The following AASS variants were observed in gnomAD, a reference collection of about 807,000 sequenced individuals.
AASS encodes aminoadipate-semialdehyde synthase.
AASS carries 86 observed loss-of-function variants against 105.4 expected under a neutral mutation model. The observed-to-expected ratio is 0.82, with a 90% CI of 0.69 to 0.98. AASS has a LOEUF of 0.98. Ranked by LOEUF, AASS falls within the 50% of genes least tolerant of loss-of-function variation. AASS has a pLI of 0.00. For missense variants in AASS, 1,048 were observed against 1,143.2 expected, an observed-to-expected ratio of 0.92 and a Z score of 1.20; for synonymous variants, 381 against 394.8, an observed-to-expected ratio of 0.96 and a Z score of 0.41.
chr7:122,112,285 T>C (rs997308212), intron 11 of AASS, among the ~76,000 whole-genome samples: 11 of 152,348 alleles, frequency 7.2e-5, no homozygotes, highest in Middle Eastern at 3.4e-3. Context: ...AGGTGCAATA[T>C]CATGTCTAAC....
At chr7:122,107,890 GT>G (rs971178566) in intron 11 of AASS, among the ~76,000 whole-genome samples, 10 of 136,788 alleles carry the variant, frequency 7.3e-5, no homozygotes, top group Non-Finnish European at 1.4e-4. Flanking sequence ...GAACCTAAAA[GT>G]TTTTTTTAAG....
At chr7:122,090,505 A>G (rs1025813583) in intron 18 of AASS, among the ~76,000 whole-genome samples, 5 of 152,168 alleles carry the variant, frequency 3.3e-5, no homozygotes, top group Non-Finnish European at 5.9e-5. Context: ...TGCTTAAGAA[A>G]TTCTTTCTCT....
At chr7:122,090,811 AACCT>A (rs1793862152) in intron 18 of AASS, among the ~76,000 whole-genome samples, 1 of 151,922 alleles carries the variant, frequency 6.6e-6, no homozygotes, top group Admixed American at 6.6e-5. Flanking sequence ...TAACTCCCTA[AACCT>A]GATTTTTCCC....
chr7:122,111,193 C>T (rs1040346328), intron 11 of AASS, among the ~76,000 whole-genome samples: 3 of 151,988 alleles, frequency 2.0e-5, no homozygotes, highest in Non-Finnish European at 4.4e-5. Flanking sequence ...AACTATGTTC[C>T]ATGCAATAAC....
At chr7:122,112,039 G>T (rs1176431558) in intron 11 of AASS, among the ~76,000 whole-genome samples, 5 of 152,176 alleles carry the variant, frequency 3.3e-5, no homozygotes, top group African/African-American at 1.2e-4. Flanking sequence ...CTCCAGCAAA[G>T]CCTGGCATTT....
intron 1 of AASS, among the ~76,000 whole-genome samples, chr7:122,141,289 C>T (rs766709951): frequency 8.5e-5 from 13 of 152,144 alleles, no homozygotes; most frequent in Non-Finnish European, 1.2e-4. Context: ...CATATTTTCT[C>T]CAGCCCATCA....
Position 122,133,558 on chromosome 7 carries a change from C to A in AASS, c.169G>T (p.Val57Phe), listed in dbSNP as rs1397002928. The change falls in exon 2 of 24, where the codon GTC (valine) becomes TTC (phenylalanine). Residue 57 changes from valine to phenylalanine, a missense_variant. Transcript: ENST00000417368. ...IKGITNLGYK[V>F]LIQPSNRRAI... ...CGCCGATTCGAAGGCTGTATCAAGA[C>A]CTTGTATCCCAGATTGGTGATGCCT... 9 of 1,614,050 alleles carry A rather than the reference C, an allele frequency of 5.6e-6. No homozygotes were observed. Among genetic ancestry groups the A allele is most frequent in the African/African-American group, 1.3e-5 (1 of 74,914 alleles).
At chr7:122,133,188 T>G (rs1156850122) in intron 2 of AASS, among the ~76,000 whole-genome samples, 1 of 152,018 alleles carries the variant, frequency 6.6e-6, no homozygotes, top group Admixed American at 6.5e-5. Flanking sequence ...GAAGAGCAAG[T>G]GGAATGATGA....
chr7:122,129,314 A>C, intron 3 of AASS, 47 bp downstream of exon 3: 1 of 1,300,054 alleles, frequency 7.7e-7, no homozygotes, highest in Non-Finnish European at 1.0e-6. Context: ...AAAGTAAAAA[A>C]TATTATTTTT....
At chr7:122,085,394 C>A (rs1391268080) in intron 19 of AASS, among the ~76,000 whole-genome samples, 1 of 152,068 alleles carries the variant, frequency 6.6e-6, no homozygotes, top group Non-Finnish European at 1.5e-5. Flanking sequence ...TGCATTAATG[C>A]TCCTAGAATG....
At chr7:122,101,828 T>C (rs766007590) in intron 11 of AASS, 148 bp from the exon 12 acceptor site, 18 of 679,828 alleles carry the variant, frequency 2.6e-5, no homozygotes, top group Non-Finnish European at 4.2e-5. Flanking sequence ...TGATTGCTAA[T>C]AGAAGTCTTC....
At position 122,092,043 on chromosome 7, in the gene AASS, A is replaced by T. The variant is rs13232539; in HGVS notation, c.1876-200T>A. Among the ~76,000 whole-genome samples the T allele has an allele frequency of 0.073, 11,132 of 151,866 alleles. 458 individuals are homozygous for T. Among genetic ancestry groups the T allele is most frequent in the Middle Eastern group, 0.097 (28 of 290 alleles). ...GTTAATTTTATATATATGTTTTTTTAAAAAAACTGTAAAAATAGTGACTAA... is the reference window on the plus strand; with the variant it reads ...GTTAATTTTATATATATGTTTTTTTTAAAAAACTGTAAAAATAGTGACTAA... On this transcript the variant is annotated intron_variant, in intron 17 of 23. Transcript: ENST00000417368.
At chr7:122,136,430 G>C (rs1796141590) in intron 1 of AASS, among the ~76,000 whole-genome samples, 1 of 152,180 alleles carries the variant, frequency 6.6e-6, no homozygotes, top group African/African-American at 2.4e-5. Context: ...CTTTTATTCA[G>C]GGCAAAATAT....
intron 1 of AASS, among the ~76,000 whole-genome samples, chr7:122,134,952 G>T (rs1008748002): frequency 3.3e-5 from 5 of 152,082 alleles, no homozygotes; most frequent in Non-Finnish European, 7.4e-5. Flanking sequence ...CCATAAAAAA[G>T]GATGAGTTCA....
intron 2 of AASS, among the ~76,000 whole-genome samples, chr7:122,132,158 C>T (rs549409074): frequency 1.1e-4 from 17 of 152,222 alleles, no homozygotes; most frequent in South Asian, 8.3e-4. Context: ...ATATAAACTC[C>T]TCATAACAAG....
chr7:122,108,105 C>A (rs921060666), intron 11 of AASS, among the ~76,000 whole-genome samples: 1 of 151,844 alleles, frequency 6.6e-6, no homozygotes, highest in Non-Finnish European at 1.5e-5. Context: ...TACAACCTAC[C>A]AAGATTGAAC....
intron 19 of AASS, chr7:122,081,878 T>A (rs961642217): frequency 5.3e-6 from 2 of 374,338 alleles, no homozygotes; most frequent in Non-Finnish European, 9.8e-6. Context: ...CTGGTTTACA[T>A]AAAAGACCTT....
At chr7:122,125,965 T>C (rs1795639761) in intron 4 of AASS, among the ~76,000 whole-genome samples, 1 of 152,236 alleles carries the variant, frequency 6.6e-6, no homozygotes, top group Non-Finnish European at 1.5e-5. Context: ...AGCTACAACA[T>C]ATTGTGGTGT....
intron 18 of AASS, among the ~76,000 whole-genome samples, chr7:122,089,813 C>A (rs774948872): frequency 1.3e-5 from 2 of 152,152 alleles, no homozygotes; most frequent in Non-Finnish European, 2.9e-5. Flanking sequence ...ACTCTGCTGA[C>A]CCTTTCGTTG....
Sources: gnomAD v4.1 joint callset for allele counts (sites outside exome capture counted in the v4.1 genomes callset) on GRCh38, gnomAD v4.1.1 for gene constraint, MANE v1.5 for transcripts, NCBI Gene and HGNC (gene_info 2026-07-23, HGNC 2026-07-21) for gene names.